The following MID1 variants were observed in gnomAD, a reference collection of about 807,000 sequenced individuals.
The protein encoded by MID1 is midline 1.
MID1 carries 7 observed loss-of-function variants against 40.4 expected under a neutral mutation model. The observed-to-expected ratio is 0.17, with a 90% CI of 0.10 to 0.33. The LOEUF is 0.33. MID1 is among the 10% of genes least tolerant of loss of function. The probability of loss-of-function intolerance (pLI) is 1.00; values close to 1 mark genes in which losing one functional copy is unlikely to be tolerated. For missense variants in MID1, 367 were observed against 558.5 expected (o/e 0.66, Z 3.46); for synonymous variants, 229 against 221.2 (o/e 1.04, Z -0.31).
At chrX:10,615,435 T>C (rs1266295468) in intron 1 of MID1, among the ~76,000 whole-genome samples, 1 of 112,548 alleles carries the variant, frequency 8.9e-6, no homozygotes, top group African/African-American at 3.2e-5. Context: ...ATTATATTCA[T>C]CATAAACACT....
chrX:10,469,572 A>G (rs1004881922), intron 7 of MID1, 125 bp downstream of exon 7: 57 of 1,206,619 alleles, frequency 4.7e-5, no homozygotes, highest in Non-Finnish European at 6.4e-5. Flanking sequence ...TGTTCAAGAA[A>G]GACAAGTCAA....
At chrX:10,537,624 G>A (rs146746099) in intron 2 of MID1, among the ~76,000 whole-genome samples, 2,285 of 112,162 alleles carry the variant, frequency 0.02, 48 homozygotes, top group African/African-American at 0.062. Flanking sequence ...TTCTCAAATC[G>A]AATGCATTTA....
At chrX:10,551,133 T>C (rs182029814) in intron 2 of MID1, among the ~76,000 whole-genome samples, 104 of 112,216 alleles carry the variant, frequency 9.3e-4, no homozygotes, top group African/African-American at 3.2e-3. Context: ...CCTAATACAA[T>C]GTAAAAGCTT....
At chrX:10,831,801 G>A (rs933366795) in intron 1 of MID1, among the ~76,000 whole-genome samples, 5 of 111,346 alleles carry the variant, frequency 4.5e-5, no homozygotes, top group Admixed American at 1.9e-4. Context: ...CCTTACCCCA[G>A]GAGACTTATC....
chrX:10,604,790 T>G, intron 1 of MID1, among the ~76,000 whole-genome samples: 1 of 112,384 alleles, frequency 8.9e-6, no homozygotes, highest in Non-Finnish European at 1.9e-5. Flanking sequence ...ATTTTAAAAT[T>G]TTACTTTCCA....
intron 1 of MID1, among the ~76,000 whole-genome samples, chrX:10,812,701 G>A (rs182942536): frequency 3.6e-5 from 4 of 111,922 alleles, no homozygotes; most frequent in South Asian, 3.8e-4. Flanking sequence ...CTTTATGTCC[G>A]TTCCAGAGAG....
chrX:10,558,295 A>G (rs1934203744), intron 2 of MID1, among the ~76,000 whole-genome samples: 1 of 110,510 alleles, frequency 9.0e-6, no homozygotes, highest in African/African-American at 3.4e-5. Context: ...TCACTCCTGC[A>G]GAGCACCTCA....
chrX:10,453,798 T>C, intron 9 of MID1, among the ~76,000 whole-genome samples: 1 of 112,110 alleles, frequency 8.9e-6, no homozygotes, highest in East Asian at 2.8e-4. Context: ...AGCCTGACCC[T>C]TGACTGCAGA....
intron 7 of MID1, among the ~76,000 whole-genome samples, chrX:10,467,686 A>G (rs1429580150): frequency 2.7e-5 from 3 of 111,926 alleles, no homozygotes; most frequent in Admixed American, 9.5e-5. Context: ...ATGACTCTCA[A>G]GCCCACAGGG....
At position 10,553,922 on chromosome X, in the gene MID1, C is replaced by T. The variant is rs769044257; in HGVS notation, c.660+12966G>A. 1.2e-4 allele frequency among the ~76,000 whole-genome samples: 13 copies of T among 111,746 alleles called. No individual in the cohort carries two copies. The South Asian group carries it at 5.0e-3, about 43-fold the overall frequency. On this transcript the variant is annotated intron_variant, in intron 2 of 9. Transcript: ENST00000317552. Reference sequence around the variant, plus strand: ...TCAAACTCTCTCTCTTTCTTTCTCGCTAATTTTTTAAGGGTGGTATGTTTG... The same window carrying T: ...TCAAACTCTCTCTCTTTCTTTCTCGTTAATTTTTTAAGGGTGGTATGTTTG...
intron 1 of MID1, among the ~76,000 whole-genome samples, chrX:10,642,257 T>C (rs1466408952): frequency 3.7e-5 from 4 of 109,045 alleles, no homozygotes; most frequent in African/African-American, 1.0e-4. Context: ...TGACTGTATA[T>C]TTAGAAAATC....
intron 2 of MID1, among the ~76,000 whole-genome samples, chrX:10,545,280 T>A: frequency 8.9e-6 from 1 of 112,247 alleles, no homozygotes. Flanking sequence ...AAGTTTTAAA[T>A]TACATGTGTA....
chrX:10,762,078 T>C (rs2043682890), intron 1 of MID1, among the ~76,000 whole-genome samples: 1 of 111,840 alleles, frequency 8.9e-6, no homozygotes, highest in Non-Finnish European at 1.9e-5. Flanking sequence ...ATATTTACCT[T>C]GAAGGGTAGG....
At chrX:10,750,699 G>A (rs2043592475) in intron 1 of MID1, among the ~76,000 whole-genome samples, 1 of 111,281 alleles carries the variant, frequency 9.0e-6, no homozygotes, top group Non-Finnish European at 1.9e-5. Flanking sequence ...ATATCAGGAT[G>A]TGGTTGCTGA....
chrX:10,560,497 T>TA (rs1442285102), intron 2 of MID1, among the ~76,000 whole-genome samples: 19 of 111,327 alleles, frequency 1.7e-4, no homozygotes, highest in Non-Finnish European at 3.6e-4. Context: ...CAAAGCTCCT[T>TA]AAGCTGATAA....
chrX:10,594,207 ATT>A (rs1195347396), intron 1 of MID1, among the ~76,000 whole-genome samples: 1 of 111,889 alleles, frequency 8.9e-6, no homozygotes, highest in African/African-American at 3.3e-5. Flanking sequence ...TGTGAAGAAC[ATT>A]TTGAGGATGC....
intron 1 of MID1, among the ~76,000 whole-genome samples, chrX:10,671,454 A>C (rs2042986844): frequency 8.9e-6 from 1 of 112,156 alleles, no homozygotes; most frequent in Admixed American, 9.4e-5. Context: ...TGCTTGGAAG[A>C]AGCTAAAGTA....
intron 1 of MID1, among the ~76,000 whole-genome samples, chrX:10,697,963 A>G (rs1213096752): frequency 8.9e-6 from 1 of 112,772 alleles, no homozygotes; most frequent in Non-Finnish European, 1.9e-5. Context: ...CACTCTGTTG[A>G]GAACCACTGA....
chrX:10,630,713 CAG>C (rs1936044541), intron 1 of MID1, among the ~76,000 whole-genome samples: 1 of 111,068 alleles, frequency 9.0e-6, no homozygotes, highest in Admixed American at 9.6e-5. Flanking sequence ...GACTGCTAGA[CAG>C]AGAGCAGCCT....
Sources: gnomAD v4.1 joint callset for allele counts (sites outside exome capture counted in the v4.1 genomes callset) on GRCh38, gnomAD v4.1.1 for gene constraint, MANE v1.5 for transcripts, NCBI Gene and HGNC (gene_info 2026-07-23, HGNC 2026-07-21) for gene names.